Variants in SRPK2 observed in about 807,000 individuals in gnomAD.
The protein encoded by SRPK2 is SRSF protein kinase 2.
Under a neutral mutation model 90.8 loss-of-function variants are expected in SRPK2, and 21 were observed. The ratio of observed to expected loss-of-function variants is 0.23; its 90% confidence interval spans 0.16 to 0.33. The LOEUF (loss-of-function observed/expected upper bound fraction) is 0.33, where lower values mean the gene tolerates loss of function less well. Among genes scored for constraint, SRPK2 ranks in the 10% least tolerant of loss-of-function variants. The pLI is 1.00. For missense variants in SRPK2, 620 were observed against 869.0 expected (o/e 0.71, Z 3.60); for synonymous variants, 288 against 311.1 (o/e 0.93, Z 0.78).
At chr7:105,125,450 G>C (rs1018579354) in intron 15 of SRPK2, among the ~76,000 whole-genome samples, 2 of 152,204 alleles carry the variant, frequency 1.3e-5, no homozygotes, top group Admixed American at 1.3e-4. Context: ...GGCCACCTCT[G>C]TTCTACTACA....
chr7:105,369,845 C>T (rs550537038), intron 2 of SRPK2, among the ~76,000 whole-genome samples: 2 of 152,092 alleles, frequency 1.3e-5, no homozygotes, highest in African/African-American at 2.4e-5. Flanking sequence ...CTGACCAACA[C>T]GGAGAAACCC....
intron 2 of SRPK2, among the ~76,000 whole-genome samples, chr7:105,222,089 T>C (rs1008139016): frequency 2.0e-5 from 3 of 152,348 alleles, no homozygotes; most frequent in African/African-American, 4.8e-5. Context: ...CTTGGGAAGA[T>C]TGTATATACT....
intron 1 of SRPK2, among the ~76,000 whole-genome samples, chr7:105,396,798 AAGAGAAAG>A (rs911750156): frequency 2.0e-5 from 2 of 98,872 alleles, no homozygotes; most frequent in Non-Finnish European, 4.8e-5. Context: ...AAGAAAGAGA[AAGAGAAAG>A]AAAGAAAGAG....
intron 3 of SRPK2, among the ~76,000 whole-genome samples, chr7:105,200,237 T>C (rs376458843): frequency 2.6e-5 from 4 of 151,578 alleles, no homozygotes; most frequent in Admixed American, 1.3e-4. Flanking sequence ...GAGGTGGAGG[T>C]TGCAGTGAAA....
intron 2 of SRPK2, among the ~76,000 whole-genome samples, chr7:105,253,003 A>C (rs905516474): frequency 3.3e-5 from 5 of 152,190 alleles, no homozygotes; most frequent in African/African-American, 1.2e-4. Flanking sequence ...TCAGCCTCCC[A>C]AAGTCCTGGG....
chr7:105,261,629 A>C (rs576266838), intron 2 of SRPK2, among the ~76,000 whole-genome samples: 19 of 152,344 alleles, frequency 1.2e-4, no homozygotes, highest in Middle Eastern at 6.8e-3. Context: ...CCAATACCAC[A>C]GAAAGAGATA....
chr7:105,161,622 C>T (rs148080434), intron 6 of SRPK2, among the ~76,000 whole-genome samples: 1 of 152,180 alleles, frequency 6.6e-6, no homozygotes, highest in African/African-American at 2.4e-5. Context: ...CCTGATGAAA[C>T]AGGCAAGACT....
chr7:105,373,340 C>T (rs1462712103), intron 2 of SRPK2, among the ~76,000 whole-genome samples: 4 of 150,952 alleles, frequency 2.6e-5, no homozygotes, highest in South Asian at 2.1e-4. Context: ...CTCCCTCAAC[C>T]GGTTTATCCT....
intron 2 of SRPK2, among the ~76,000 whole-genome samples, chr7:105,303,294 T>G (rs973228876): frequency 9.2e-5 from 14 of 151,610 alleles, no homozygotes. Flanking sequence ...GCGGGGAACA[T>G]CACACACCAG....
chr7:105,375,676 A>T (rs1287727742), intron 2 of SRPK2, among the ~76,000 whole-genome samples: 1 of 152,198 alleles, frequency 6.6e-6, no homozygotes. Context: ...AAGCAACAAA[A>T]GCCTAACAAC....
intron 11 of SRPK2, among the ~76,000 whole-genome samples, chr7:105,138,386 G>A (rs1235678187): frequency 6.6e-6 from 1 of 152,112 alleles, no homozygotes; most frequent in African/African-American, 2.4e-5. Flanking sequence ...AAGCCTGCTG[G>A]GGATACAGGA....
At chr7:105,260,526 T>C (rs1381944044) in intron 2 of SRPK2, among the ~76,000 whole-genome samples, 1 of 152,186 alleles carries the variant, frequency 6.6e-6, no homozygotes, top group Non-Finnish European at 1.5e-5. Context: ...AGCAATCCCA[T>C]TACTGGGTAC....
At chr7:105,119,135 C>T (rs765221102) in intron 15 of SRPK2, among the ~76,000 whole-genome samples, 2 of 150,740 alleles carry the variant, frequency 1.3e-5, no homozygotes, top group Non-Finnish European at 3.0e-5. Flanking sequence ...GGGAGAGAGG[C>T]ATTCAAGCAC....
At chr7:105,126,608 C>T (rs939913357) in intron 14 of SRPK2, among the ~76,000 whole-genome samples, 1 of 152,164 alleles carries the variant, frequency 6.6e-6, no homozygotes, top group African/African-American at 2.4e-5. Flanking sequence ...AGATGGCATT[C>T]AAGCCAGAAT....
intron 2 of SRPK2, among the ~76,000 whole-genome samples, chr7:105,290,197 CAAA>C (rs56311004): frequency 0.43 from 57,602 of 133,698 alleles, 12,814 homozygotes; most frequent in Non-Finnish European, 0.53. Context: ...ACAGGCTCTT[CAAA>C]AAAAAAAAAA....
intron 2 of SRPK2, chr7:105,245,072 CA>C: frequency 1.7e-6 from 1 of 596,346 alleles, no homozygotes; most frequent in East Asian, 3.3e-5. Context: ...CACACACACA[CA>C]CCTCTTTTTC....
chr7:105,342,232 G>A (rs1815897607), intron 2 of SRPK2, among the ~76,000 whole-genome samples: 1 of 151,476 alleles, frequency 6.6e-6, no homozygotes, highest in South Asian at 2.1e-4. Context: ...GCCAAGGCAG[G>A]AGAATCTCTT....
At chr7:105,197,452 C>G (rs1795053866) in intron 3 of SRPK2, among the ~76,000 whole-genome samples, 1 of 152,212 alleles carries the variant, frequency 6.6e-6, no homozygotes, top group Non-Finnish European at 1.5e-5. Flanking sequence ...ATCTGCCAGT[C>G]AGCATGCCAG....
chr7:105,316,018 G>C (rs980001895), intron 2 of SRPK2, among the ~76,000 whole-genome samples: 1 of 128,146 alleles, frequency 7.8e-6, no homozygotes, highest in Non-Finnish European at 1.6e-5. Flanking sequence ...GACATCTTTA[G>C]GTAATTTTTT....
Sources: allele counts gnomAD v4.1 joint callset (sites outside exome capture counted in the v4.1 genomes callset), GRCh38; gene constraint gnomAD v4.1.1; transcripts MANE v1.5; gene names NCBI Gene and HGNC (gene_info 2026-07-23, HGNC 2026-07-21).